The following NRXN1 variants were observed in gnomAD, a reference collection of about 807,000 sequenced individuals.
NRXN1 encodes the protein neurexin 1.
NRXN1 carries 39 observed loss-of-function variants against 150.9 expected under a neutral mutation model. The ratio of observed to expected loss-of-function variants is 0.26; its 90% CI spans 0.20 to 0.34. The LOEUF is 0.34. NRXN1 is among the 10% of genes least tolerant of loss of function. The pLI is 1.00. For missense variants in NRXN1, 1,815 were observed against 1,949.9 expected (o/e 0.93, Z 1.30); for synonymous variants, 924 against 757.0 (o/e 1.22, Z -3.62).
intron 17 of NRXN1, among the ~76,000 whole-genome samples, chr2:50,252,018 G>T (rs2067140822): frequency 6.6e-6 from 1 of 151,872 alleles, no homozygotes; most frequent in South Asian, 2.1e-4. Context: ...CTTTTGCTGT[G>T]CAGAAGCTCT....
chr2:50,199,553 CACACACACACACACAT>C (rs2062014000), intron 18 of NRXN1, among the ~76,000 whole-genome samples: 1 of 151,582 alleles, frequency 6.6e-6, no homozygotes, highest in Admixed American at 6.6e-5. Flanking sequence ...CACACACACA[CACACACACACACACAT>C]GCACACTGAC....
rs1668170098 is a variant in NRXN1 at position 49,921,380 on chromosome 2, A to G, written c.*564T>C. ...AAAGGGGCTTTTTGAATGTGTTCCTACACAAGTCTTCAAAAAAGCCAGCAC... is the reference window on the plus strand; with the variant it reads ...AAAGGGGCTTTTTGAATGTGTTCCTGCACAAGTCTTCAAAAAAGCCAGCAC... On this transcript the variant is annotated 3_prime_UTR_variant, in exon 23 of 23. Transcript: ENST00000401669. 1 of 152,566 alleles carries G rather than the reference A, an allele frequency of 6.6e-6. No individual in the cohort carries two copies. Among genetic ancestry groups the G allele is most frequent in the African/African-American group, 2.4e-5 (1 of 41,370 alleles). The allele number at this position is 152,566 out of a possible 1,614,324, so 9.5% of individuals were successfully genotyped here. A position where few individuals can be genotyped will look rare whatever the true frequency, so the allele number is the denominator to read the frequency against.
At chr2:50,350,681 T>C (rs1243578987) in intron 17 of NRXN1, among the ~76,000 whole-genome samples, 3 of 152,152 alleles carry the variant, frequency 2.0e-5, no homozygotes, top group Admixed American at 1.3e-4. Context: ...GCGTAGAAGA[T>C]TGTGAATAAC....
chr2:50,111,572 G>C (rs956563223), intron 18 of NRXN1, among the ~76,000 whole-genome samples: 9 of 152,022 alleles, frequency 5.9e-5, no homozygotes, highest in African/African-American at 2.2e-4. Context: ...CTGTGAGGCA[G>C]AGGTTGCAGT....
intron 21 of NRXN1, among the ~76,000 whole-genome samples, chr2:49,968,748 G>A (rs187846536): frequency 6.6e-6 from 1 of 152,034 alleles, no homozygotes; most frequent in African/African-American, 2.4e-5. Flanking sequence ...GAAATATATA[G>A]AATACAATGA....
intron 5 of NRXN1, among the ~76,000 whole-genome samples, chr2:50,900,382 G>A (rs1043213574): frequency 2.6e-5 from 4 of 152,170 alleles, no homozygotes; most frequent in Non-Finnish European, 5.9e-5. Flanking sequence ...TCTAGAACCC[G>A]TAGTATGTAC....
intron 2 of NRXN1, among the ~76,000 whole-genome samples, chr2:50,983,218 T>C (rs972172382): frequency 6.6e-6 from 1 of 152,080 alleles, no homozygotes; most frequent in African/African-American, 2.4e-5. Flanking sequence ...CTTAATTGTA[T>C]ATCTCTAAGT....
At chr2:50,432,739 A>T (rs781314320) in intron 17 of NRXN1, among the ~76,000 whole-genome samples, 1 of 152,180 alleles carries the variant, frequency 6.6e-6, no homozygotes, top group Non-Finnish European at 1.5e-5. Context: ...TCTAATCTCC[A>T]TAACTCTACT....
chr2:50,253,218 T>C (rs1169051749), intron 17 of NRXN1, among the ~76,000 whole-genome samples: 1 of 152,132 alleles, frequency 6.6e-6, no homozygotes, highest in Non-Finnish European at 1.5e-5. Context: ...TCCTTGTCTA[T>C]TGGTGGTGTA....
chr2:49,944,287 G>T (rs1672510935), intron 21 of NRXN1, among the ~76,000 whole-genome samples: 1 of 152,182 alleles, frequency 6.6e-6, no homozygotes, highest in Admixed American at 6.6e-5. Context: ...ATTAAGTAGA[G>T]AATTAGATAG....
intron 2 of NRXN1, among the ~76,000 whole-genome samples, chr2:50,949,525 G>A (rs946895780): frequency 5.9e-5 from 9 of 152,012 alleles, no homozygotes; most frequent in Admixed American, 5.9e-4. Context: ...CAATAATTCT[G>A]CTTCATCTCT....
intron 2 of NRXN1, among the ~76,000 whole-genome samples, chr2:51,024,296 C>G (rs895152698): frequency 1.3e-5 from 2 of 152,126 alleles, no homozygotes; most frequent in African/African-American, 2.4e-5. Flanking sequence ...CTGAGGCTGA[C>G]GCTCAGGGTC....
chr2:50,248,290 G>A (rs638275), intron 17 of NRXN1, among the ~76,000 whole-genome samples: 62,351 of 151,544 alleles, frequency 0.41, 12,967 homozygotes, highest in Middle Eastern at 0.46. Flanking sequence ...CTGGGATTCT[G>A]GGTGTGAGCT....
chr2:50,377,839 A>G (rs1572742447), intron 17 of NRXN1, among the ~76,000 whole-genome samples: 1 of 152,188 alleles, frequency 6.6e-6, no homozygotes, highest in African/African-American at 2.4e-5. Context: ...TTGAATCCGA[A>G]TATTTTCATT....
In NRXN1 at chr2:50,346,713, C is replaced by T. The variant is rs773904897; in HGVS notation, c.3365-109743G>A. Reference sequence around the variant, plus strand: ...CACCGTGTCCGCCTCGCAAGGATGCCGGTGACCTGTAGATTGCAATAGGCA... The same window carrying T: ...CACCGTGTCCGCCTCGCAAGGATGCTGGTGACCTGTAGATTGCAATAGGCA... On this transcript the variant is annotated intron_variant, in intron 17 of 22. Coordinates refer to ENST00000401669, the MANE Select transcript of NRXN1 (RefSeq NM_001330078.2). The surrounding 1 kb of genome is among the most constrained non-coding windows in gnomAD (Gnocchi z 5.0). 1.2e-6 allele frequency: 2 copies of T among 1,613,680 alleles called. No homozygotes were observed. Among genetic ancestry groups the T allele is most frequent in the Admixed American group, 3.3e-5 (2 of 60,010 alleles).
chr2:50,993,082 T>C (rs1698769654), intron 2 of NRXN1, among the ~76,000 whole-genome samples: 1 of 151,920 alleles, frequency 6.6e-6, no homozygotes, highest in Non-Finnish European at 1.5e-5. Context: ...ATCACAAATA[T>C]ATCAACAGGG....
At chr2:49,938,373 T>G (rs916582346) in intron 22 of NRXN1, among the ~76,000 whole-genome samples, 1 of 152,198 alleles carries the variant, frequency 6.6e-6, no homozygotes, top group East Asian at 1.9e-4. Context: ...TAGTTATTAT[T>G]GCTATTTATC....
At chr2:50,259,068 G>A (rs966890595) in intron 17 of NRXN1, among the ~76,000 whole-genome samples, 7 of 151,850 alleles carry the variant, frequency 4.6e-5, no homozygotes, top group African/African-American at 1.4e-4. Context: ...AATAAGCATT[G>A]GCTTCAACTT....
intron 5 of NRXN1, among the ~76,000 whole-genome samples, chr2:50,804,828 C>G (rs936362887): frequency 1.1e-4 from 16 of 152,304 alleles, no homozygotes; most frequent in South Asian, 2.1e-4. Context: ...CCACTTTTCT[C>G]TCCAACCACT....
Sources: gnomAD v4.1 joint callset for allele counts (sites outside exome capture counted in the v4.1 genomes callset) on GRCh38, gnomAD v4.1.1 for gene constraint, Gnocchi (gnomAD v3.1) non-coding constraint, MANE v1.5 for transcripts, NCBI Gene and HGNC (gene_info 2026-07-23, HGNC 2026-07-21) for gene names.